The following FFAR4 variants were observed in gnomAD, a reference collection of about 807,000 sequenced individuals.
FFAR4 encodes free fatty acid receptor 4, also known as G-protein coupled receptor 120.
Under a neutral mutation model 27.0 loss-of-function variants are expected in FFAR4, and 19 were observed. The ratio of observed to expected loss-of-function variants is 0.70; its 90% CI spans 0.49 to 1.03. FFAR4 has a LOEUF of 1.03. Among genes scored for constraint, FFAR4 ranks in the 50% least tolerant of loss-of-function variants. The probability of loss-of-function intolerance (pLI) is 0.00; values close to 1 mark genes in which losing one functional copy is unlikely to be tolerated. For synonymous variants in FFAR4, 254 were observed against 215.6 expected (o/e 1.18, Z -1.56); for missense variants, 476 against 479.0 (o/e 0.99, Z 0.06).
chr10:93,575,748 G>T (rs923204563), intron 1 of FFAR4, among the ~76,000 whole-genome samples: 2 of 152,182 alleles, frequency 1.3e-5, no homozygotes, highest in Non-Finnish European at 2.9e-5. Flanking sequence ...AAAATGGCAG[G>T]CTTGGAAGAG....
intron 1 of FFAR4, 43 bp from the exon 2 acceptor site, chr10:93,576,048 G>A: frequency 1.2e-6 from 2 of 1,609,086 alleles, no homozygotes; most frequent in Non-Finnish European, 8.5e-7. Flanking sequence ...AGGCCAATAA[G>A]AAGCCAGCAT....
chr10:93,567,361 A>C, intron 1 of FFAR4, 74 bp downstream of exon 1: 1 of 1,320,722 alleles, frequency 7.6e-7, no homozygotes, highest in Non-Finnish European at 1.0e-6. Flanking sequence ...GGAAGCTGGG[A>C]TGAGGATGAT....
intron 2 of FFAR4, 131 bp from the exon 3 acceptor site, chr10:93,587,089 C>A: frequency 1.3e-6 from 1 of 740,970 alleles, no homozygotes; most frequent in Non-Finnish European, 2.2e-6. Context: ...TAAGCTCGGG[C>A]ACACAAAGTC....
Position 93,588,130 on chromosome 10 carries a change from A to C in FFAR4, c.*521A>C, listed in dbSNP as rs1238339305. On this transcript the variant is annotated 3_prime_UTR_variant, in exon 3 of 3. Transcript: ENST00000371481. ...AAAAGATTTGTTATGGGTTCCTTTT[A>C]AATGTGAACTTTTTTAGTGTGTTTG... 6.6e-6 allele frequency: 1 copy of C among 152,664 alleles called. No individual in the cohort carries two copies. The highest frequency in any genetic ancestry group is 1.5e-5 in the Non-Finnish European group (1 of 68,546). 9.5% of individuals were successfully genotyped at this position (152,664 alleles called of 1,614,324 possible).
chr10:93,570,188 TCA>T (rs76165485), intron 1 of FFAR4, among the ~76,000 whole-genome samples: 450 of 148,562 alleles, frequency 3.0e-3, no homozygotes, highest in African/African-American at 7.5e-3. Flanking sequence ...TCTGTCTCTC[TCA>T]CACACACACA....
rs1389376290 is a variant in FFAR4, at chr10:93,567,200, G to A, written c.480G>A (p.Ala160=). 2 of 1,602,872 alleles carry A rather than the reference G, an allele frequency of 1.2e-6. No homozygotes were observed. The highest frequency in any genetic ancestry group is 2.2e-5 in the East Asian group (1 of 44,832). The change falls in exon 1 of 3, where the codon GCG becomes GCA. Residue 160 remains alanine (A), a synonymous_variant. Coordinates refer to ENST00000371481, the MANE Select transcript of FFAR4 (RefSeq NM_001195755.2). ...GGCGGGCGCGGGCAGTGCTGCTGGCGCTCATCTGGGGCTATTCGGCGGTCG... is the reference window on the plus strand; with the variant it reads ...GGCGGGCGCGGGCAGTGCTGCTGGCACTCATCTGGGGCTATTCGGCGGTCG... The part of the protein sequence containing the change: ...PGRRARAVLL[A]LIWGYSAVAA...
intron 2 of FFAR4, among the ~76,000 whole-genome samples, chr10:93,586,559 T>C (rs553943621): frequency 1.2e-4 from 18 of 152,332 alleles, no homozygotes; most frequent in Middle Eastern, 3.4e-3. Flanking sequence ...CAATAGGGGC[T>C]AGATAAATTG....
At chr10:93,569,824 T>C (rs2058121767) in intron 1 of FFAR4, among the ~76,000 whole-genome samples, 1 of 151,558 alleles carries the variant, frequency 6.6e-6, no homozygotes, top group Non-Finnish European at 1.5e-5. Context: ...TTTGGGAGGC[T>C]GAGGTGGGCG....
chr10:93,566,885 G>T lies in FFAR4; in HGVS notation c.165G>T (p.Leu55=). 1 of 1,604,626 alleles carries T rather than the reference G, an allele frequency of 6.2e-7. No homozygotes were observed. Residue 55 remains leucine (L), a synonymous_variant, in exon 1 of 3, where the codon CTG becomes CTT. Transcript: ENST00000371481. The part of the protein sequence containing the change: ...TVLVLIFAVS[L]LGNVCALVLV... Reference sequence around the variant, plus strand: ...TGGTGCTCATCTTTGCAGTGTCGCTGCTGGGCAACGTGTGCGCCCTGGTGC... The same window carrying T: ...TGGTGCTCATCTTTGCAGTGTCGCTTCTGGGCAACGTGTGCGCCCTGGTGC...
At chr10:93,571,725 G>A (rs1401946113) in intron 1 of FFAR4, among the ~76,000 whole-genome samples, 4 of 152,216 alleles carry the variant, frequency 2.6e-5, no homozygotes, top group Non-Finnish European at 5.9e-5. Context: ...AGCATCTCTT[G>A]CATTAATATT....
chr10:93,584,956 C>T (rs566838375), intron 2 of FFAR4, among the ~76,000 whole-genome samples: 11 of 152,300 alleles, frequency 7.2e-5, no homozygotes, highest in African/African-American at 2.6e-4. Context: ...GATCTGCCCG[C>T]CTCAGCCTCC....
chr10:93,567,085 G>T lies in FFAR4; in HGVS notation c.365G>T (p.Gly122Val). The change falls in exon 1 of 3, where the codon GGC becomes GTC. Residue 122 changes from glycine to valine, a missense_variant. Coordinates refer to ENST00000371481, the MANE Select transcript of FFAR4 (RefSeq NM_001195755.2). ...HLLFYVMTLSGSVTILTLAAV... is the reference protein window; with the variant it reads ...HLLFYVMTLSVSVTILTLAAV... ...CTCTTCTACGTGATGACCCTGAGCG[G>T]CAGCGTCACCATCCTCACGCTGGCC... The T allele has an allele frequency of 1.9e-6, 3 of 1,609,886 alleles. No individual in the cohort carries two copies. Among genetic ancestry groups the T allele is most frequent in the Non-Finnish European group, 2.5e-6 (3 of 1,179,090 alleles).
Position 93,576,111 on chromosome 10 carries a change from G to A in FFAR4, c.588G>A (p.Leu196=). 1 of 1,614,108 alleles carries A rather than the reference G, an allele frequency of 6.2e-7. No homozygotes were observed. The highest frequency in any genetic ancestry group is 8.5e-7 in the Non-Finnish European group (1 of 1,179,974). ...GADQEISICT[L]IWPTIPGEIS... is the part of the protein sequence containing the mutation. Reference sequence around the variant, plus strand: ...ACTAGGAAATTTCGATTTGCACACTGATTTGGCCCACCATTCCTGGAGAGA... The same window carrying A: ...ACTAGGAAATTTCGATTTGCACACTAATTTGGCCCACCATTCCTGGAGAGA... The change falls in exon 2 of 3, where the codon CTG becomes CTA. Residue 196 remains leucine, a synonymous_variant. Transcript: ENST00000371481.
chr10:93,581,016 G>T (rs2058194287), intron 2 of FFAR4, among the ~76,000 whole-genome samples: 1 of 152,212 alleles, frequency 6.6e-6, no homozygotes, highest in Admixed American at 6.5e-5. Flanking sequence ...TGACAACTGA[G>T]ATGCCTCTAC....
In FFAR4 at chr10:93,566,891, C is replaced by T. The variant is rs780376289; in HGVS notation, c.171C>T (p.Gly57=). Residue 57 remains glycine (G), a synonymous_variant, in exon 1 of 3, where the codon GGC becomes GGT. Transcript: ENST00000371481. ...TCATCTTTGCAGTGTCGCTGCTGGG[C>T]AACGTGTGCGCCCTGGTGCTGGTGG... is the stretch of plus-strand genomic sequence containing the variant. ...LVLIFAVSLL[G]NVCALVLVAR... is the part of the protein sequence containing the mutation. 3 of 1,605,770 alleles carry T rather than the reference C, an allele frequency of 1.9e-6. No homozygotes were observed. Among genetic ancestry groups the T allele is most frequent in the East Asian group, 4.5e-5 (2 of 44,360 alleles).
In FFAR4 at chr10:93,587,395, A is replaced by G. The variant is rs746831739; in HGVS notation, c.872A>G (p.Asn291Ser). ...ACCATCCTCCTCATCCTGATCCAGA[A>G]CTTCAAGCAAGACCTGGTCATCTGG... ...IITILLILIQNFKQDLVIWPS... is the reference protein window; with the variant it reads ...IITILLILIQSFKQDLVIWPS... The change falls in exon 3 of 3, where the codon AAC (asparagine) becomes AGC (serine). Residue 291 changes from asparagine to serine, a missense_variant. Transcript: ENST00000371481. The G allele has an allele frequency of 3.1e-6, 5 of 1,612,982 alleles. No individual in the cohort carries two copies. The African/African-American group carries it at 6.7e-5, about 22-fold the overall frequency.
At position 93,567,252 on chromosome 10, in the gene FFAR4, C is replaced by G; in HGVS notation, c.532C>G (p.Arg178Gly). The G allele has an allele frequency of 1.9e-6, 3 of 1,600,676 alleles. No homozygotes were observed. The highest frequency in any genetic ancestry group is 2.5e-6 in the Non-Finnish European group (3 of 1,179,686). Residue 178 changes from arginine to glycine, a missense_variant, in exon 1 of 3, where the codon CGA becomes GGA. By Grantham distance (125) the Arg-to-Gly change is moderately radical (BLOSUM62 -2). Coordinates refer to ENST00000371481, the MANE Select transcript of FFAR4 (RefSeq NM_001195755.2). ...CGCTCTGCCTCTCTGCGTCTTCTTCCGAGTCGTCCCGCAACGGCTCCCCGG... is the reference window on the plus strand; with the variant it reads ...CGCTCTGCCTCTCTGCGTCTTCTTCGGAGTCGTCCCGCAACGGCTCCCCGG... ...VAALPLCVFF[R>G]VVPQRLPGAD...
At chr10:93,586,390 G>A (rs1268043368) in intron 2 of FFAR4, among the ~76,000 whole-genome samples, 2 of 152,164 alleles carry the variant, frequency 1.3e-5, no homozygotes, top group Non-Finnish European at 2.9e-5. Flanking sequence ...GCAGAACTAT[G>A]AGTCAATTAA....
At chr10:93,584,048 A>G (rs2058213880) in intron 2 of FFAR4, among the ~76,000 whole-genome samples, 1 of 150,144 alleles carries the variant, frequency 6.7e-6, no homozygotes, top group Non-Finnish European at 1.5e-5. Context: ...AGGCGGTACC[A>G]ATTCCTCTGC....
Sources: gnomAD v4.1 joint callset for allele counts (sites outside exome capture counted in the v4.1 genomes callset) on GRCh38, gnomAD v4.1.1 for gene constraint, MANE v1.5 for transcripts, NCBI Gene and HGNC (gene_info 2026-07-23, HGNC 2026-07-21) for gene names.